Variants in SLIT3 observed in about 807,000 individuals in gnomAD.
The protein encoded by SLIT3 is slit homolog 3 protein.
A neutral mutation model predicts 184.0 loss-of-function variants in SLIT3; 68 were observed. The ratio of observed to expected loss-of-function variants is 0.37; its 90% CI spans 0.30 to 0.45. The LOEUF (loss-of-function observed/expected upper bound fraction) is 0.45, where lower values mean the gene tolerates loss of function less well. SLIT3 is among the 20% of genes least tolerant of loss of function. The pLI, the probability that SLIT3 is intolerant of heterozygous loss-of-function variation, is 1.00. For missense variants in SLIT3, 1,707 were observed against 2,026.0 expected, an observed-to-expected ratio of 0.84 and a Z score of 3.02; for synonymous variants, 831 against 828.6, an observed-to-expected ratio of 1.00 and a Z score of -0.05.
chr5:168,739,226 A>T (rs1270126581), intron 20 of SLIT3, among the ~76,000 whole-genome samples: 1 of 152,130 alleles, frequency 6.6e-6, no homozygotes, highest in Non-Finnish European at 1.5e-5. Flanking sequence ...GCATGGGGAA[A>T]GTTCCATTCA....
At chr5:168,670,886 T>C (rs1561866009) in intron 34 of SLIT3, among the ~76,000 whole-genome samples, 1 of 152,142 alleles carries the variant, frequency 6.6e-6, no homozygotes, top group South Asian at 2.1e-4. Flanking sequence ...AGTCTGCCCA[T>C]GTGGGTGCCT....
At chr5:168,695,720 C>G (rs1298022117) in intron 28 of SLIT3, among the ~76,000 whole-genome samples, 1 of 152,132 alleles carries the variant, frequency 6.6e-6, no homozygotes, top group East Asian at 1.9e-4. Context: ...GAGGAATGCT[C>G]TCTTGTGGGA....
At chr5:169,247,215 CA>C (rs34569490) in intron 2 of SLIT3, among the ~76,000 whole-genome samples, 45,238 of 123,998 alleles carry the variant, frequency 0.36, 7,069 homozygotes, top group African/African-American at 0.47. Flanking sequence ...GACTCTGTCT[CA>C]AAAAAAAAAA....
At position 168,824,694 on chromosome 5, in the gene SLIT3, C is replaced by A. The variant is rs188339551; in HGVS notation, c.558-1363G>T. On this transcript the variant is annotated intron_variant, in intron 6 of 35. Transcript: ENST00000519560. ...GAAGAGTTGGATACAGCCCTTGGTA[C>A]AATTCCTCATGGTGGCCACTTGTTC... Among the ~76,000 whole-genome samples, 9 of 152,296 alleles carry A rather than the reference C, an allele frequency of 5.9e-5. 1 individual carries two copies. In the East Asian group the frequency reaches 1.7e-3, roughly 29 times the overall value.
chr5:169,024,789 T>A (rs949597876), intron 4 of SLIT3: 1 of 152,062 alleles, frequency 6.6e-6, no homozygotes, highest in Non-Finnish European at 1.5e-5. Flanking sequence ...ATAGCAGTGA[T>A]GCAAGAAAGA....
chr5:169,245,039 C>A (rs953367151), intron 2 of SLIT3, among the ~76,000 whole-genome samples: 2 of 152,198 alleles, frequency 1.3e-5, no homozygotes, highest in South Asian at 2.1e-4. Flanking sequence ...AATGTCCCCC[C>A]AAGCACTGCA....
chr5:169,193,920 G>A (rs12515660), intron 3 of SLIT3, among the ~76,000 whole-genome samples: 9,406 of 152,074 alleles, frequency 0.062, 317 homozygotes, highest in South Asian at 0.13. Context: ...GATGAAACTG[G>A]CATGTGAAAT....
rs116426239 is a variant in SLIT3, at chr5:168,817,834, A to G, written c.630-371T>C. Among the ~76,000 whole-genome samples the G allele has an allele frequency of 6.6e-3, 1,001 of 152,336 alleles. 3 individuals carry two copies. The highest frequency in any genetic ancestry group is 0.034 in the Middle Eastern group (10 of 294). Reference sequence around the variant, plus strand: ...ATTTATTTGTAAATTTCAGCACTTTAGCCAGCATGAGTTACAGGTTGCTTG... The same window carrying G: ...ATTTATTTGTAAATTTCAGCACTTTGGCCAGCATGAGTTACAGGTTGCTTG... On this transcript the variant is annotated intron_variant, in intron 7 of 35. Transcript: ENST00000519560.
At chr5:169,158,529 A>T (rs776189434) in intron 4 of SLIT3, among the ~76,000 whole-genome samples, 1 of 152,216 alleles carries the variant, frequency 6.6e-6, no homozygotes, top group Non-Finnish European at 1.5e-5. Context: ...CAGAAAAAGG[A>T]AGAACAATGG....
At chr5:168,859,379 T>C (rs577818822) in intron 5 of SLIT3, among the ~76,000 whole-genome samples, 57 of 152,286 alleles carry the variant, frequency 3.7e-4, no homozygotes, top group African/African-American at 1.3e-3. Flanking sequence ...AGAATTGTAA[T>C]TAAAACCAGC....
intron 4 of SLIT3, among the ~76,000 whole-genome samples, chr5:168,966,713 A>G (rs192400291): frequency 2.6e-5 from 4 of 152,300 alleles, no homozygotes; most frequent in Non-Finnish European, 5.9e-5. Flanking sequence ...TTCTGTCTGG[A>G]GAGTTGCAAG....
intron 4 of SLIT3, among the ~76,000 whole-genome samples, chr5:168,982,061 C>A (rs1292269935): frequency 6.6e-6 from 1 of 152,236 alleles, no homozygotes. Flanking sequence ...GACCCACATG[C>A]ACAGATTTGT....
chr5:168,901,963 G>A (rs568607191), intron 4 of SLIT3, among the ~76,000 whole-genome samples: 6 of 152,150 alleles, frequency 3.9e-5, no homozygotes, highest in Non-Finnish European at 5.9e-5. Flanking sequence ...GTGCAGTGGC[G>A]CGATCTCGGC....
chr5:169,244,681 G>A, intron 3 of SLIT3, 24 bp downstream of exon 3: 1 of 1,598,050 alleles, frequency 6.3e-7, no homozygotes, highest in Non-Finnish European at 8.6e-7. Flanking sequence ...AATACTTTAA[G>A]AAAGGAGGCT....
intron 4 of SLIT3, among the ~76,000 whole-genome samples, chr5:169,035,064 G>T (rs1238676616): frequency 2.0e-5 from 3 of 151,926 alleles, no homozygotes; most frequent in Admixed American, 6.6e-5. Flanking sequence ...TTACAGGTGT[G>T]AGCCACTAGT....
chr5:168,894,706 T>G (rs1760602242), intron 4 of SLIT3, among the ~76,000 whole-genome samples: 1 of 152,178 alleles, frequency 6.6e-6, no homozygotes, highest in Admixed American at 6.5e-5. Context: ...GGAATACAGA[T>G]TAAACCTGGC....
chr5:168,952,685 G>C (rs1253210924), intron 4 of SLIT3, among the ~76,000 whole-genome samples: 1 of 152,150 alleles, frequency 6.6e-6, no homozygotes, highest in East Asian at 1.9e-4. Context: ...GAAACAAAGA[G>C]AGTGGACAAA....
At chr5:168,768,111 T>G in intron 14 of SLIT3, 2 of 457,138 alleles carry the variant, frequency 4.4e-6, no homozygotes, top group South Asian at 1.6e-5. Flanking sequence ...AGAGGAGAGG[T>G]GTCCAGCGGT....
At chr5:168,776,087 C>G (rs1391224509) in intron 12 of SLIT3, among the ~76,000 whole-genome samples, 3 of 152,206 alleles carry the variant, frequency 2.0e-5, no homozygotes, top group Non-Finnish European at 4.4e-5. Flanking sequence ...CAGCCCCTCC[C>G]TGGTGGGGAA....
Sources: gnomAD v4.1 joint callset for allele counts (sites outside exome capture counted in the v4.1 genomes callset) on GRCh38, gnomAD v4.1.1 for gene constraint, MANE v1.5 for transcripts, NCBI Gene and HGNC (gene_info 2026-07-23, HGNC 2026-07-21) for gene names.